CEACAM1: variants seen among roughly 807,000 people sequenced by gnomAD.
CEACAM1 encodes the protein cell adhesion molecule CEACAM1.
CEACAM1 carries 31 observed loss-of-function variants against 49.1 expected under a neutral mutation model. The ratio of observed to expected loss-of-function variants is 0.63; its 90% CI spans 0.47 to 0.85. The LOEUF (loss-of-function observed/expected upper bound fraction) is 0.85. CEACAM1 is among the 40% of genes least tolerant of loss of function. The probability of loss-of-function intolerance (pLI) is 0.00; values close to 1 mark genes in which losing one functional copy is unlikely to be tolerated. For missense variants in CEACAM1, 570 were observed against 645.3 expected (o/e 0.88, Z 1.26); for synonymous variants, 244 against 247.8 (o/e 0.98, Z 0.14).
At chr19:42,521,878 G>T in intron 3 of CEACAM1, 46 bp downstream of exon 3, 1 of 1,613,806 alleles carries the variant, frequency 6.2e-7, no homozygotes, top group South Asian at 1.1e-5. Flanking sequence ...TGGCTGCGTG[G>T]ATTTGGGCTG....
At chr19:42,527,006 C>G (rs767891864) in intron 2 of CEACAM1, 35 bp downstream of exon 2, 1 of 1,573,412 alleles carries the variant, frequency 6.4e-7, no homozygotes, top group East Asian at 2.2e-5. Flanking sequence ...TAGAACTAAC[C>G]CCCCAACACC....
rs148511735 is a variant in CEACAM1 at position 42,526,826 on chromosome 19, C to G, written c.424+215G>C. Among the ~76,000 whole-genome samples the G allele has an allele frequency of 3.7e-4, 57 of 152,260 alleles. 1 individual carries two copies. Among genetic ancestry groups the G allele is most frequent in the African/African-American group, 1.3e-3 (55 of 41,522 alleles). ...GATAAGTTACCCACATCAGATTGTC[C>G]TTCCTCTGAAGCAAATGTCTGCAGG... On this transcript the variant is annotated intron_variant, in intron 2 of 8. Coordinates refer to ENST00000161559, the MANE Select transcript of CEACAM1 (RefSeq NM_001712.5).
chr19:42,523,954 A>G lies in CEACAM1; in HGVS notation c.425-1752T>C, dbSNP rs549443710. 5.9e-5 allele frequency among the ~76,000 whole-genome samples: 9 copies of G among 152,352 alleles called. No individual in the cohort carries two copies. The East Asian group carries it at 1.3e-3, about 23-fold the overall frequency. ...AGGATATCTGAGAGTTCTCAATTGC[A>G]TTAAGAGAGAAACGATGCCATATGA... On this transcript the variant is annotated intron_variant, in intron 2 of 8. Coordinates refer to ENST00000161559, the MANE Select transcript of CEACAM1 (RefSeq NM_001712.5).
chr19:42,513,627 A>G (rs2041516797), intron 5 of CEACAM1, among the ~76,000 whole-genome samples: 1 of 151,154 alleles, frequency 6.6e-6, no homozygotes, highest in Non-Finnish European at 1.5e-5. Context: ...CTGCACTTCA[A>G]TCTAAAACTT....
chr19:42,518,208 A>G (rs2041646571), intron 5 of CEACAM1, among the ~76,000 whole-genome samples: 1 of 152,044 alleles, frequency 6.6e-6, no homozygotes, highest in Non-Finnish European at 1.5e-5. Flanking sequence ...AGACCAGGAG[A>G]TTGAGACCAG....
intron 6 of CEACAM1, 108 bp downstream of exon 6, chr19:42,512,242 G>A (rs1725805798): frequency 1.5e-6 from 2 of 1,291,068 alleles, no homozygotes; most frequent in African/African-American, 2.9e-5. Context: ...GGAGTTTAGT[G>A]GGAGGAGTAT....
intron 8 of CEACAM1, among the ~76,000 whole-genome samples, chr19:42,510,103 TGA>T (rs1244721162): frequency 1.3e-5 from 2 of 152,170 alleles, no homozygotes; most frequent in African/African-American, 2.4e-5. Context: ...CTTTTTTTTT[TGA>T]GACAGAGTTT....
chr19:42,521,907 G>T lies in CEACAM1; in HGVS notation c.703+17C>A. The T allele has an allele frequency of 6.2e-7, 1 of 1,614,190 alleles. No individual in the cohort carries two copies. The highest frequency in any genetic ancestry group is 8.5e-7 in the Non-Finnish European group (1 of 1,180,026). ...TGGGCTGGCAGCCTGGGCCACAGAG[G>T]AACAGAAGATACTCACAGGTGACAT... On this transcript the variant is annotated intron_variant, in intron 3 of 8. Transcript: ENST00000161559.
intron 5 of CEACAM1, among the ~76,000 whole-genome samples, chr19:42,517,730 G>A (rs751489323): frequency 5.8e-4 from 89 of 152,216 alleles, no homozygotes; most frequent in Non-Finnish European, 1.0e-3. Context: ...TGCATTGCTG[G>A]TGGGAATGTG....
intron 5 of CEACAM1, chr19:42,515,163 T>C: frequency 1.8e-6 from 1 of 547,668 alleles, no homozygotes; most frequent in East Asian, 3.2e-5. Context: ...CTTAGGAGGC[T>C]AAGGTGAGGG....
chr19:42,523,117 A>T (rs2041800825), intron 2 of CEACAM1, among the ~76,000 whole-genome samples: 1 of 152,106 alleles, frequency 6.6e-6, no homozygotes, highest in South Asian at 2.1e-4. Context: ...GTGGGTCCTC[A>T]CCTGGAACAT....
Position 42,508,139 on chromosome 19 carries a change from C to A in CEACAM1, c.*970G>T, listed in dbSNP as rs2041375653. The A allele has an allele frequency of 6.6e-6, 1 of 152,128 alleles. No homozygotes were observed. Among genetic ancestry groups the A allele is most frequent in the Admixed American group, 6.6e-5 (1 of 15,256 alleles). 9.4% of individuals were successfully genotyped at this position (152,128 alleles called of 1,614,324 possible). The stretch of plus-strand genomic sequence containing the variant: ...ACATAGCTAAGCTAAGTAAAAATAA[C>A]CCTTTTCACATAAATAAGCAGTTAC... On this transcript the variant is annotated 3_prime_UTR_variant, in exon 9 of 9. Coordinates refer to ENST00000161559, the MANE Select transcript of CEACAM1 (RefSeq NM_001712.5).
chr19:42,517,833 A>G (rs796452416), intron 5 of CEACAM1, among the ~76,000 whole-genome samples: 38 of 152,360 alleles, frequency 2.5e-4, no homozygotes, highest in Admixed American at 1.0e-3. Context: ...CTGAGTATCT[A>G]TTTAAAAGAA....
At position 42,527,214 on chromosome 19, in the gene CEACAM1, A is replaced by G. The variant is rs2041914067; in HGVS notation, c.251T>C (p.Ile84Thr). 9.9e-6 allele frequency: 16 copies of G among 1,613,846 alleles called. No individual in the cohort carries two copies. Among genetic ancestry groups the G allele is most frequent in the Non-Finnish European group, 1.4e-5 (16 of 1,179,982 alleles). Residue 84 changes from isoleucine (I) to threonine (T), a missense_variant, in exon 2 of 9, where the codon ATA becomes ACA. Ile to Thr is a moderately conservative substitution (Grantham distance 89). Transcript: ENST00000161559. The part of the protein sequence containing the change: ...DGNRQIVGYA[I>T]GTQQATPGPA... ...CCCTGGGGTAGCTTGTTGAGTTCCT[A>G]TTGCATATCCTACAATTTGACGGTT...
chr19:42,515,335 G>C (rs1333203293), intron 5 of CEACAM1, among the ~76,000 whole-genome samples: 1 of 152,122 alleles, frequency 6.6e-6, no homozygotes. Flanking sequence ...TTCGGTTGAG[G>C]AATCCGAGGC....
chr19:42,516,721 C>T, intron 5 of CEACAM1: 1 of 203,070 alleles, frequency 4.9e-6, no homozygotes. Flanking sequence ...AGTTGAAGGG[C>T]TCACACTTCC....
intron 5 of CEACAM1, among the ~76,000 whole-genome samples, chr19:42,517,394 T>C (rs2041626112): frequency 6.6e-6 from 1 of 152,198 alleles, no homozygotes; most frequent in African/African-American, 2.4e-5. Flanking sequence ...AGACTTCTTA[T>C]AGAATGGGAG....
At chr19:42,526,551 C>G (rs2041895961) in intron 2 of CEACAM1, among the ~76,000 whole-genome samples, 1 of 152,206 alleles carries the variant, frequency 6.6e-6, no homozygotes, top group Non-Finnish European at 1.5e-5. Context: ...TCGGATAGCT[C>G]AAATTCTTGT....
Position 42,508,980 on chromosome 19 carries a change from A to G in CEACAM1, c.*129T>C. ...ACCAGGCAGCCTGGAGATGCCTATT[A>G]GGAAGGAAGAGTAGGAGAAAGTTGT... On this transcript the variant is annotated 3_prime_UTR_variant, in exon 9 of 9. Transcript: ENST00000161559. The G allele has an allele frequency of 9.4e-7, 1 of 1,068,968 alleles. No individual in the cohort carries two copies. Among genetic ancestry groups the G allele is most frequent in the Non-Finnish European group, 1.4e-6 (1 of 728,616 alleles). 66.2% of individuals were successfully genotyped at this position (1,068,968 alleles called of 1,614,324 possible).
Sources: gnomAD v4.1 joint callset for allele counts (sites outside exome capture counted in the v4.1 genomes callset) on GRCh38, gnomAD v4.1.1 for gene constraint, MANE v1.5 for transcripts, NCBI Gene and HGNC (gene_info 2026-07-23, HGNC 2026-07-21) for gene names.